Variants in ANK2 observed in about 807,000 individuals in gnomAD.
The protein encoded by ANK2 is ankyrin 2, also known as ankyrin-2.
Under a neutral mutation model 360.5 loss-of-function variants are expected in ANK2, and 83 were observed. The observed-to-expected ratio is 0.23, with a 90% CI of 0.19 to 0.28. The LOEUF is 0.28. Among genes scored for constraint, ANK2 ranks in the 10% least tolerant of loss-of-function variants. The probability of loss-of-function intolerance (pLI) is 1.00; values close to 1 mark genes in which losing one functional copy is unlikely to be tolerated. For synonymous variants in ANK2, 1,740 were observed against 1,759.5 expected, an observed-to-expected ratio of 0.99 and a Z score of 0.28; for missense variants, 4,201 against 4,795.7, an observed-to-expected ratio of 0.88 and a Z score of 3.66.
chr4:113,381,518 C>G lies in ANK2; in HGVS notation c.*47C>G. On this transcript the variant is annotated 3_prime_UTR_variant, in exon 46 of 46. Transcript: ENST00000357077. ...TGTGGTGAAGGACCAGCATGGAAAA[C>G]GCATTGACTTGGAGCACCTGGAGGA... 1 of 1,614,002 alleles carries G rather than the reference C, an allele frequency of 6.2e-7. No individual in the cohort carries two copies. Among genetic ancestry groups the G allele is most frequent in the Non-Finnish European group, 8.5e-7 (1 of 1,179,958 alleles).
At chr4:112,849,937 G>A (rs902166891) in intron 1 of ANK2, among the ~76,000 whole-genome samples, 10 of 152,172 alleles carry the variant, frequency 6.6e-5, no homozygotes, top group African/African-American at 1.2e-4. Flanking sequence ...CTCCAATCTG[G>A]TGAGGACCTG....
chr4:113,286,250 C>G (rs750729001), intron 18 of ANK2, among the ~76,000 whole-genome samples: 29 of 152,112 alleles, frequency 1.9e-4, no homozygotes, highest in Non-Finnish European at 7.3e-5. Context: ...TCCTAATATT[C>G]ACATTTTTTA....
chr4:112,871,738 A>G (rs1002137882), intron 1 of ANK2, among the ~76,000 whole-genome samples: 1 of 152,214 alleles, frequency 6.6e-6, no homozygotes, highest in African/African-American at 2.4e-5. Context: ...TGGGTTTTCC[A>G]TAGATGCTCT....
intron 1 of ANK2, among the ~76,000 whole-genome samples, chr4:113,114,014 C>A (rs2094533133): frequency 6.6e-6 from 1 of 152,090 alleles, no homozygotes; most frequent in Admixed American, 6.5e-5. Context: ...GCTACTATCT[C>A]CTATGGGAGC....
chr4:113,206,564 A>G (rs561298804), intron 4 of ANK2, among the ~76,000 whole-genome samples: 100 of 152,314 alleles, frequency 6.6e-4, no homozygotes, highest in African/African-American at 2.3e-3. Context: ...TTGACAAGGA[A>G]TAAAAAAGAA....
chr4:112,757,177 A>C, the ANK2 span, among the ~76,000 whole-genome samples: 7 of 148,408 alleles, frequency 4.7e-5, no homozygotes, highest in Non-Finnish European at 8.9e-5. Flanking sequence ...CAATGGCGCA[A>C]TCTCGGCTCA....
At chr4:113,344,218 A>G (rs1016212043) in intron 34 of ANK2, among the ~76,000 whole-genome samples, 21 of 152,182 alleles carry the variant, frequency 1.4e-4, no homozygotes, top group African/African-American at 4.8e-4. Context: ...AAACAACCCA[A>G]TACAAAATGA....
chr4:113,275,940 T>G (rs1011547655), intron 15 of ANK2, among the ~76,000 whole-genome samples: 3 of 144,842 alleles, frequency 2.1e-5, no homozygotes, highest in African/African-American at 5.1e-5. Context: ...AAACAGTGTT[T>G]TTTTTTTTTT....
chr4:112,754,521 G>GA, the ANK2 span, among the ~76,000 whole-genome samples: 1 of 150,322 alleles, frequency 6.7e-6, no homozygotes, highest in African/African-American at 2.4e-5. Flanking sequence ...TTTTTTTGGG[G>GA]GGGCGTGTAT....
At chr4:112,866,164 T>C (rs1230343663) in intron 1 of ANK2, among the ~76,000 whole-genome samples, 1 of 152,236 alleles carries the variant, frequency 6.6e-6, no homozygotes, top group Non-Finnish European at 1.5e-5. Context: ...AGAATACTCT[T>C]AATTATCAGT....
intron 1 of ANK2, among the ~76,000 whole-genome samples, chr4:112,867,131 T>G (rs1236284309): frequency 1.3e-5 from 2 of 152,020 alleles, no homozygotes; most frequent in African/African-American, 4.8e-5. Flanking sequence ...ACATTTTTTT[T>G]TCCTTGAACT....
chr4:112,856,411 G>C (rs1275123495), intron 1 of ANK2, among the ~76,000 whole-genome samples: 4 of 152,288 alleles, frequency 2.6e-5, no homozygotes, highest in Admixed American at 2.0e-4. Flanking sequence ...TGCCCTGAAT[G>C]CTTCTTAAAA....
chr4:113,239,447 A>G lies in ANK2; in HGVS notation c.694-1038A>G, dbSNP rs139493043. Among the ~76,000 whole-genome samples, 484 of 152,292 alleles carry G rather than the reference A, an allele frequency of 3.2e-3. 2 individuals are homozygous for G. The highest frequency in any genetic ancestry group is 0.011 in the African/African-American group (467 of 41,564). On this transcript the variant is annotated intron_variant, in intron 7 of 45. Coordinates refer to ENST00000357077, the MANE Select transcript of ANK2 (RefSeq NM_001148.6). ...GTAAACATCGTAGTTCATTTCAAGT[A>G]AAAGAGAGCAATACCAAGTAACCCA...
At chr4:112,761,904 A>T in the ANK2 span, among the ~76,000 whole-genome samples, 5 of 152,256 alleles carry the variant, frequency 3.3e-5, no homozygotes, top group African/African-American at 1.2e-4. Context: ...GTACGTTCTT[A>T]AGAAATATTG....
chr4:112,886,938 C>G (rs924922832), intron 1 of ANK2, among the ~76,000 whole-genome samples: 1 of 152,134 alleles, frequency 6.6e-6, no homozygotes. Context: ...CTAGATGTTG[C>G]CATCCCACAG....
At chr4:113,078,250 G>A (rs1258509972) in intron 1 of ANK2, among the ~76,000 whole-genome samples, 2 of 152,190 alleles carry the variant, frequency 1.3e-5, no homozygotes, top group African/African-American at 4.8e-5. Flanking sequence ...AAAATGGACT[G>A]TAAATGGATG....
At chr4:113,224,505 A>G (rs2099190891) in intron 4 of ANK2, among the ~76,000 whole-genome samples, 1 of 152,150 alleles carries the variant, frequency 6.6e-6, no homozygotes, top group Non-Finnish European at 1.5e-5. Context: ...CTTGGTGGTT[A>G]CTCAATCTCT....
Position 113,373,415 on chromosome 4 carries a change from G to A in ANK2, c.11825G>A (p.Arg3942His), listed in dbSNP as rs542400709. 66 of 1,614,048 alleles carry A rather than the reference G, an allele frequency of 4.1e-5. No individual in the cohort carries two copies. The highest frequency in any genetic ancestry group is 1.7e-4 in the Admixed American group (10 of 60,004). ...GATGGCTATTCCAAAGTTATAAAGC[G>A]TGTTGTATTGAAGAGTGACACCGAG... The part of the protein sequence containing the change: ...EGDGYSKVIK[R>H]VVLKSDTEQS... The change falls in exon 45 of 46, where the codon CGT (arginine) becomes CAT (histidine). Residue 3942 changes from arginine (R) to histidine (H), a missense_variant. Around this residue, in one of 4 missense-constraint regions of ANK2, gnomAD observed 2,642 missense variants for 2,714.5 expected, o/e 0.97. Coordinates refer to ENST00000357077, the MANE Select transcript of ANK2 (RefSeq NM_001148.6).
intron 7 of ANK2, 45 bp from the exon 8 acceptor site, chr4:113,240,440 G>A (rs1351125937): frequency 6.9e-7 from 1 of 1,453,086 alleles, no homozygotes; most frequent in Admixed American, 1.7e-5. Flanking sequence ...CTGCAACATA[G>A]AAAAGTGAAG....
Sources: gnomAD v4.1 joint callset for allele counts (sites outside exome capture counted in the v4.1 genomes callset) on GRCh38, gnomAD v4.1.1 for gene constraint, gnomAD v4.1.1 regional missense constraint, MANE v1.5 for transcripts, NCBI Gene and HGNC (gene_info 2026-07-23, HGNC 2026-07-21) for gene names.